HGF: variants seen among roughly 807,000 people sequenced by gnomAD.
HGF encodes the protein fibroblast-derived tumor cytotoxic factor.
In HGF, 39 loss-of-function variants were observed where a neutral mutation model predicts 111.6. The ratio of observed to expected loss-of-function variants is 0.35; its 90% CI spans 0.27 to 0.46. HGF has a LOEUF of 0.46. Among genes scored for constraint, HGF ranks in the 20% least tolerant of loss-of-function variants. HGF has a pLI of 1.00. For synonymous variants in HGF, 285 were observed against 294.8 expected (o/e 0.97, Z 0.34); for missense variants, 735 against 910.5 (o/e 0.81, Z 2.48).
chr7:81,728,287 A>T (rs1790072579), intron 8 of HGF, among the ~76,000 whole-genome samples: 1 of 152,362 alleles, frequency 6.6e-6, no homozygotes, highest in South Asian at 2.1e-4. Flanking sequence ...ACCAAGATAT[A>T]ACAGGTAACT....
intron 11 of HGF, among the ~76,000 whole-genome samples, chr7:81,716,561 AT>A (rs1446278381): frequency 6.6e-6 from 1 of 151,770 alleles, no homozygotes; most frequent in East Asian, 1.9e-4. Context: ...TTGAAGATTT[AT>A]TTTCTACTTT....
At chr7:81,715,717 T>C (rs1789692831) in intron 11 of HGF, among the ~76,000 whole-genome samples, 1 of 152,104 alleles carries the variant, frequency 6.6e-6, no homozygotes, top group Admixed American at 6.6e-5. Flanking sequence ...TAAGGTGAAA[T>C]TTACCTCTTT....
chr7:81,736,932 G>A (rs1028880953), intron 7 of HGF, among the ~76,000 whole-genome samples: 1 of 50,980 alleles, frequency 2.0e-5, no homozygotes, highest in Non-Finnish European at 4.1e-5. Context: ...TGTGTGTGGT[G>A]TTCTATAGAT....
intron 7 of HGF, among the ~76,000 whole-genome samples, chr7:81,738,560 G>A (rs186607995): frequency 6.6e-6 from 1 of 152,266 alleles, no homozygotes; most frequent in Admixed American, 6.5e-5. Flanking sequence ...GCACACATTT[G>A]TCAGACAATG....
intron 5 of HGF, 102 bp downstream of exon 5, chr7:81,752,018 A>G: frequency 1.3e-6 from 2 of 1,555,826 alleles, no homozygotes; most frequent in Non-Finnish European, 1.7e-6. Flanking sequence ...CACGAACAAC[A>G]TATTTGTTAT....
At chr7:81,731,027 G>C (rs1260516625) in intron 7 of HGF, among the ~76,000 whole-genome samples, 5 of 152,242 alleles carry the variant, frequency 3.3e-5, no homozygotes, top group Middle Eastern at 3.4e-3. Flanking sequence ...ATTTTTAATA[G>C]CTTTTAAATT....
chr7:81,703,336 C>T (rs1046338816), intron 17 of HGF, among the ~76,000 whole-genome samples: 1 of 150,046 alleles, frequency 6.7e-6, no homozygotes, highest in South Asian at 2.1e-4. Flanking sequence ...ATTGAAATTG[C>T]TTTTCCAGGC....
chr7:81,735,773 T>A (rs1787806893), intron 7 of HGF, among the ~76,000 whole-genome samples: 1 of 152,116 alleles, frequency 6.6e-6, no homozygotes. Context: ...CTCACATTGC[T>A]GGAGGCTAGG....
intron 1 of HGF, among the ~76,000 whole-genome samples, chr7:81,763,904 C>G (rs1789225230): frequency 6.6e-6 from 1 of 152,144 alleles, no homozygotes; most frequent in South Asian, 2.1e-4. Flanking sequence ...TAGAAGATCT[C>G]AGATTGGAAA....
rs572203404 is a variant in HGF at position 81,710,151 on chromosome 7, A to G, written c.1537T>C (p.Tyr513His). 6.3e-6 allele frequency: 10 copies of G among 1,587,128 alleles called. No individual in the cohort carries two copies. Among genetic ancestry groups the G allele is most frequent in the Non-Finnish European group, 8.7e-6 (10 of 1,155,724 alleles). The change falls in exon 13 of 18, where the codon TAC becomes CAC. Residue 513 changes from tyrosine to histidine, a missense_variant. By Grantham distance (83) the Tyr-to-His change is moderately conservative. Around this residue, in one of 3 missense-constraint regions of HGF, gnomAD observed 553 missense variants for 685.6 expected, o/e 0.81. Coordinates refer to ENST00000222390, the MANE Select transcript of HGF (RefSeq NM_000601.6). ...TNIGWMVSLR[Y>H]RNKHICGGSL... is the part of the protein sequence containing the mutation. ...CTTGCATCTATTAATAATTACCTGTATCTCAAACTAACCATCCATCCTATG... is the reference window on the plus strand; with the variant it reads ...CTTGCATCTATTAATAATTACCTGTGTCTCAAACTAACCATCCATCCTATG...
At chr7:81,735,503 T>C (rs1245500515) in intron 7 of HGF, among the ~76,000 whole-genome samples, 1 of 152,106 alleles carries the variant, frequency 6.6e-6, no homozygotes, top group East Asian at 1.9e-4. Context: ...AACAATCAGC[T>C]TTGTCTAAGA....
At chr7:81,756,994 G>T in intron 4 of HGF, 195 bp downstream of exon 4, 1 of 597,718 alleles carries the variant, frequency 1.7e-6, no homozygotes, top group Non-Finnish European at 3.0e-6. Flanking sequence ...TATTGTTTTG[G>T]CTACATTTTA....
intron 5 of HGF, among the ~76,000 whole-genome samples, chr7:81,745,629 A>C (rs893690616): frequency 1.3e-5 from 2 of 152,236 alleles, no homozygotes; most frequent in African/African-American, 4.8e-5. Context: ...CTTCATATAG[A>C]AATCTGGTGC....
chr7:81,762,484 G>A (rs1045592736), intron 2 of HGF, among the ~76,000 whole-genome samples: 8 of 152,198 alleles, frequency 5.3e-5, no homozygotes, highest in South Asian at 2.1e-4. Flanking sequence ...CATAACCAAA[G>A]CCACTGTGGA....
In HGF at chr7:81,702,992, A is replaced by G. The variant is rs1393992610; in HGVS notation, c.2011-235T>C. Among the ~76,000 whole-genome samples the G allele has an allele frequency of 2.0e-5, 3 of 151,682 alleles. No homozygotes were observed. In the East Asian group the frequency reaches 5.8e-4, roughly 29 times the overall value. ...GTTCTATTATGTGTGGTATTCTCCTAAAAATGACTTGCCTTTTCCAAAAGA... is the reference window on the plus strand; with the variant it reads ...GTTCTATTATGTGTGGTATTCTCCTGAAAATGACTTGCCTTTTCCAAAAGA... On this transcript the variant is annotated intron_variant, in intron 17 of 17. Transcript: ENST00000222390.
intron 7 of HGF, chr7:81,742,919 T>C (rs1441323662): frequency 6.2e-7 from 1 of 1,613,306 alleles, no homozygotes; most frequent in African/African-American, 1.3e-5. Flanking sequence ...CAGAAGAAGT[T>C]CACCATCAGT....
At position 81,762,806 on chromosome 7, in the gene HGF, T is replaced by G; in HGVS notation, c.155A>C (p.Lys52Thr). ...FKKSAKTTLIKIDPALKIKTK... is the reference protein window; with the variant it reads ...FKKSAKTTLITIDPALKIKTK... The stretch of plus-strand genomic sequence containing the variant: ...TTTTATCTTCAGTGCTGGATCTATT[T>G]TGATTAGGGTAGTCTTTGCTGATTT... The change falls in exon 2 of 18, where the codon AAA becomes ACA. Residue 52 changes from lysine to threonine, a missense_variant. Lys to Thr is a moderately conservative substitution (Grantham distance 78, BLOSUM62 -1). This residue lies in a region of HGF where 553 missense variants were observed against 685.6 expected (regional missense o/e 0.81). Coordinates refer to ENST00000222390, the MANE Select transcript of HGF (RefSeq NM_000601.6). 1 of 1,603,278 alleles carries G rather than the reference T, an allele frequency of 6.2e-7. No homozygotes were observed. Among genetic ancestry groups the G allele is most frequent in the Non-Finnish European group, 8.5e-7 (1 of 1,170,232 alleles).
intron 4 of HGF, chr7:81,756,411 G>A (rs1170959100): frequency 4.6e-6 from 1 of 219,548 alleles, no homozygotes; most frequent in East Asian, 1.1e-4. Context: ...ATAAAATTGT[G>A]TGTGAAATAA....
chr7:81,760,680 C>CGTGTGTGTGTGT (rs55865050), intron 2 of HGF, among the ~76,000 whole-genome samples: 4 of 139,570 alleles, frequency 2.9e-5, no homozygotes, highest in Middle Eastern at 3.5e-3. Context: ...TATGTGCGTG[C>CGTGTGTGTGTGT]GTGTGTGTGT....
Sources: allele counts gnomAD v4.1 joint callset (sites outside exome capture counted in the v4.1 genomes callset), GRCh38; gene constraint gnomAD v4.1.1; regional missense constraint gnomAD v4.1.1; transcripts MANE v1.5; gene names NCBI Gene and HGNC (gene_info 2026-07-23, HGNC 2026-07-21).